Variants in RAB38 observed in about 807,000 individuals in gnomAD.
RAB38 encodes the protein RAB38, member RAS oncogene family.
RAB38 carries 15 observed loss-of-function variants against 18.4 expected under a neutral mutation model. The ratio of observed to expected loss-of-function variants is 0.82; its 90% CI spans 0.55 to 1.26. The LOEUF is 1.26. Ranked by LOEUF, RAB38 falls within the 50% of genes most tolerant of loss-of-function variation. The probability of loss-of-function intolerance (pLI) is 0.00; values close to 1 mark genes in which losing one functional copy is unlikely to be tolerated. For synonymous variants in RAB38, 101 were observed against 104.4 expected (o/e 0.97, Z 0.20); for missense variants, 294 against 267.4 (o/e 1.10, Z -0.69).
At chr11:87,832,297 A>G in the RAB38 span, among the ~76,000 whole-genome samples, 1 of 152,288 alleles carries the variant, frequency 6.6e-6, no homozygotes, top group East Asian at 1.9e-4. Context: ...AGTTATCACC[A>G]ATTTAGTGGC....
At chr11:87,942,196 A>G in the RAB38 span, among the ~76,000 whole-genome samples, 1 of 152,176 alleles carries the variant, frequency 6.6e-6, no homozygotes, top group Non-Finnish European at 1.5e-5. Flanking sequence ...CTCAAATGTA[A>G]AAGAAAATCA....
At chr11:87,862,447 AAG>A in the RAB38 span, among the ~76,000 whole-genome samples, 1 of 151,848 alleles carries the variant, frequency 6.6e-6, no homozygotes. Context: ...TTACAAGTGG[AAG>A]CTAAATTATG....
At chr11:87,843,376 A>G in the RAB38 span, among the ~76,000 whole-genome samples, 1 of 152,170 alleles carries the variant, frequency 6.6e-6, no homozygotes, top group African/African-American at 2.4e-5. Context: ...TGTGCAGGTT[A>G]AGTACTAAGA....
At chr11:88,061,333 C>G in the RAB38 span, among the ~76,000 whole-genome samples, 2 of 152,118 alleles carry the variant, frequency 1.3e-5, no homozygotes, top group Non-Finnish European at 2.9e-5. Flanking sequence ...CAAGTGCAAG[C>G]AATTGGCAGA....
chr11:88,023,804 C>A, the RAB38 span, among the ~76,000 whole-genome samples: 12 of 152,068 alleles, frequency 7.9e-5, no homozygotes, highest in African/African-American at 2.7e-4. Context: ...AAAATACAAT[C>A]TCTTCAATAA....
the RAB38 span, among the ~76,000 whole-genome samples, chr11:87,846,939 G>A: frequency 0.032 from 4,795 of 151,948 alleles, 231 homozygotes; most frequent in African/African-American, 0.11. Context: ...ATGGGTCAAC[G>A]CCCAATTACA....
At chr11:87,949,300 C>CTAGCAGTCTATCAGTTTTGT in the RAB38 span, among the ~76,000 whole-genome samples, 1 of 152,214 alleles carries the variant, frequency 6.6e-6, no homozygotes, top group East Asian at 1.9e-4. Flanking sequence ...GTTAGTTTTG[C>CTAGCAGTCTATCAGTTTTGT]TAGCAGTCTA....
chr11:88,085,972 C>G, the RAB38 span, among the ~76,000 whole-genome samples: 1 of 151,842 alleles, frequency 6.6e-6, no homozygotes, highest in South Asian at 2.1e-4. Context: ...AGCATTATGA[C>G]CATCAGAGTT....
intron 1 of RAB38, among the ~76,000 whole-genome samples, chr11:88,157,613 C>A (rs572558277): frequency 1.3e-5 from 2 of 151,744 alleles, no homozygotes; most frequent in South Asian, 2.1e-4. Context: ...TCAATCAATT[C>A]GAAAAAAATT....
the RAB38 span, among the ~76,000 whole-genome samples, chr11:87,849,369 C>A: frequency 5.3e-5 from 8 of 152,096 alleles, no homozygotes; most frequent in African/African-American, 9.7e-5. Flanking sequence ...GTTATGTGGT[C>A]GCCATATATA....
the RAB38 span, among the ~76,000 whole-genome samples, chr11:88,043,389 G>A: frequency 6.6e-6 from 1 of 152,062 alleles, no homozygotes; most frequent in African/African-American, 2.4e-5. Context: ...AAGGAGATAG[G>A]GAGGAAAATT....
At chr11:87,828,088 A>G in the RAB38 span, among the ~76,000 whole-genome samples, 2 of 152,204 alleles carry the variant, frequency 1.3e-5, no homozygotes, top group African/African-American at 2.4e-5. Flanking sequence ...GGTGAAAGGT[A>G]TATGGAAACT....
At chr11:88,087,785 C>A in the RAB38 span, among the ~76,000 whole-genome samples, 1 of 151,920 alleles carries the variant, frequency 6.6e-6, no homozygotes, top group South Asian at 2.1e-4. Flanking sequence ...TGTCAGTGAA[C>A]AATGAGAGTA....
At chr11:88,061,214 C>T in the RAB38 span, among the ~76,000 whole-genome samples, 114,769 of 152,108 alleles carry the variant, frequency 0.75, 43,408 homozygotes, top group African/African-American at 0.78. Context: ...CTACTTTGAG[C>T]CATACAGCTG....
chr11:87,825,840 C>T, the RAB38 span, among the ~76,000 whole-genome samples: 1 of 152,054 alleles, frequency 6.6e-6, no homozygotes, highest in Non-Finnish European at 1.5e-5. Context: ...GTAATAGGGA[C>T]ATCATTTTTA....
the RAB38 span, among the ~76,000 whole-genome samples, chr11:87,911,031 C>G: frequency 6.6e-6 from 1 of 151,904 alleles, no homozygotes; most frequent in African/African-American, 2.4e-5. Context: ...GTTGAAAAGA[C>G]TATCTTTTCT....
At chr11:87,958,933 A>C in the RAB38 span, among the ~76,000 whole-genome samples, 1 of 152,196 alleles carries the variant, frequency 6.6e-6, no homozygotes, top group Non-Finnish European at 1.5e-5. Flanking sequence ...AAATAAGACA[A>C]TAGAGAATTG....
the RAB38 span, among the ~76,000 whole-genome samples, chr11:87,859,562 T>C: frequency 6.6e-6 from 1 of 152,010 alleles, no homozygotes; most frequent in East Asian, 1.9e-4. Flanking sequence ...TAATCGCACA[T>C]ACCTTTAAAT....
At chr11:88,037,713 T>G in the RAB38 span, among the ~76,000 whole-genome samples, 1 of 152,178 alleles carries the variant, frequency 6.6e-6, no homozygotes, top group Non-Finnish European at 1.5e-5. Flanking sequence ...CTGCCTTCTT[T>G]CACTTAATAT....
Sources: allele counts gnomAD v4.1 joint callset (sites outside exome capture counted in the v4.1 genomes callset), GRCh38; gene constraint gnomAD v4.1.1; transcripts MANE v1.5; gene names NCBI Gene and HGNC (gene_info 2026-07-23, HGNC 2026-07-21).